The following SNTG1 variants were observed in gnomAD, a reference collection of about 807,000 sequenced individuals.
The protein encoded by SNTG1 is gamma-1-syntrophin.
Under a neutral mutation model 74.7 loss-of-function variants are expected in SNTG1, and 39 were observed. That is an observed-to-expected ratio of 0.52 (90% CI 0.40 to 0.68). The LOEUF is 0.68. SNTG1 is among the 30% of genes least tolerant of loss of function. The probability of loss-of-function intolerance (pLI) is 0.00; values close to 1 mark genes in which losing one functional copy is unlikely to be tolerated. For synonymous variants in SNTG1, 254 were observed against 217.1 expected, an observed-to-expected ratio of 1.17 and a Z score of -1.49; for missense variants, 685 against 609.5, an observed-to-expected ratio of 1.12 and a Z score of -1.30.
At chr8:50,721,971 C>A (rs1294384477) in intron 17 of SNTG1, among the ~76,000 whole-genome samples, 2 of 152,056 alleles carry the variant, frequency 1.3e-5, no homozygotes, top group Non-Finnish European at 2.9e-5. Context: ...GTTCAGCCAT[C>A]AAATGATTCA....
chr8:50,221,698 T>C (rs1173500356), intron 2 of SNTG1, among the ~76,000 whole-genome samples: 2 of 152,164 alleles, frequency 1.3e-5, no homozygotes, highest in East Asian at 3.9e-4. Flanking sequence ...CACATAATAG[T>C]TGCATTTATT....
chr8:50,225,366 G>A (rs760450017), intron 2 of SNTG1, among the ~76,000 whole-genome samples: 16 of 152,050 alleles, frequency 1.1e-4, no homozygotes, highest in African/African-American at 3.4e-4. Flanking sequence ...CACTTATTTC[G>A]GTTGGTTCCA....
chr8:50,345,731 T>G (rs1353045889), intron 2 of SNTG1, among the ~76,000 whole-genome samples: 1 of 152,248 alleles, frequency 6.6e-6, no homozygotes, highest in East Asian at 1.9e-4. Context: ...ACCAGTTTTC[T>G]TTTTAAAATT....
intron 17 of SNTG1, among the ~76,000 whole-genome samples, chr8:50,722,245 G>A (rs549392999): frequency 1.8e-4 from 27 of 151,302 alleles, no homozygotes. Flanking sequence ...TGCGATCTCA[G>A]CTCACTGCAA....
At chr8:50,733,018 G>A (rs954571711) in intron 17 of SNTG1, among the ~76,000 whole-genome samples, 12 of 151,848 alleles carry the variant, frequency 7.9e-5, no homozygotes, top group Non-Finnish European at 1.8e-4. Flanking sequence ...GAGATTCAAG[G>A]TATGGATCCT....
At chr8:50,161,867 T>G in intron 1 of SNTG1, among the ~76,000 whole-genome samples, 1 of 152,116 alleles carries the variant, frequency 6.6e-6, no homozygotes, top group Non-Finnish European at 1.5e-5. Flanking sequence ...ATAATTGTCT[T>G]TAAAAAAACA....
At chr8:50,303,313 A>G (rs62515923) in intron 2 of SNTG1, among the ~76,000 whole-genome samples, 3,915 of 152,168 alleles carry the variant, frequency 0.026, 76 homozygotes, top group Non-Finnish European at 0.036. Flanking sequence ...GGTGTTTTTA[A>G]ATTATGATTT....
intron 17 of SNTG1, among the ~76,000 whole-genome samples, chr8:50,716,411 T>A (rs980435034): frequency 3.9e-5 from 6 of 151,988 alleles, no homozygotes; most frequent in African/African-American, 1.4e-4. Flanking sequence ...ATATATATAT[T>A]TTTTCTTTCC....
rs139663627 is a variant in SNTG1, at chr8:50,555,174, G to A, written c.810+1995G>A. Among the ~76,000 whole-genome samples the A allele has an allele frequency of 3.7e-3, 566 of 152,210 alleles. 3 individuals are homozygous for A. The highest frequency in any genetic ancestry group is 0.01 in the African/African-American group (428 of 41,556). On this transcript the variant is annotated intron_variant, in intron 12 of 18. Coordinates refer to ENST00000642720, the MANE Select transcript of SNTG1 (RefSeq NM_018967.5). The stretch of plus-strand genomic sequence containing the variant: ...TTCATCCTTGTAATAAGTGCTCACC[G>A]TCATATGATTCCCCTATACTACTGT...
chr8:50,494,985 G>C (rs1426514047), intron 8 of SNTG1, among the ~76,000 whole-genome samples: 1 of 151,982 alleles, frequency 6.6e-6, no homozygotes, highest in Non-Finnish European at 1.5e-5. Flanking sequence ...TTAGAGCTGA[G>C]AGCTGAAACT....
intron 15 of SNTG1, among the ~76,000 whole-genome samples, chr8:50,681,482 G>A (rs531190527): frequency 1.3e-5 from 2 of 152,096 alleles, no homozygotes; most frequent in South Asian, 4.1e-4. Flanking sequence ...ATTTTATATA[G>A]TTTAAAACTA....
chr8:49,940,164 G>A (rs1344521332), intron 1 of SNTG1, among the ~76,000 whole-genome samples: 1 of 152,092 alleles, frequency 6.6e-6, no homozygotes, highest in Non-Finnish European at 1.5e-5. Flanking sequence ...TGGCAGGATG[G>A]CACAAACCAA....
intron 8 of SNTG1, among the ~76,000 whole-genome samples, chr8:50,493,896 A>T (rs905256837): frequency 2.0e-5 from 3 of 151,820 alleles, no homozygotes; most frequent in Non-Finnish European, 4.4e-5. Flanking sequence ...TTATTTTTCA[A>T]CAAATTTGAT....
chr8:50,083,506 A>G (rs751153150), intron 1 of SNTG1, among the ~76,000 whole-genome samples: 4 of 152,252 alleles, frequency 2.6e-5, no homozygotes, highest in African/African-American at 4.8e-5. Flanking sequence ...CTAGTAAAAC[A>G]GAAAGCAACT....
intron 2 of SNTG1, among the ~76,000 whole-genome samples, chr8:50,217,688 A>G (rs576517272): frequency 8.5e-5 from 13 of 152,324 alleles, no homozygotes; most frequent in African/African-American, 2.9e-4. Flanking sequence ...TTTCTCATTT[A>G]GCAGAATATA....
chr8:50,366,017 A>C (rs1272771323), intron 2 of SNTG1, among the ~76,000 whole-genome samples: 1 of 152,162 alleles, frequency 6.6e-6, no homozygotes, highest in East Asian at 1.9e-4. Context: ...ATTAATTGGC[A>C]TGCCTATTAT....
chr8:50,705,895 A>G (rs2095441884), intron 16 of SNTG1, among the ~76,000 whole-genome samples: 1 of 152,252 alleles, frequency 6.6e-6, no homozygotes, highest in Non-Finnish European at 1.5e-5. Flanking sequence ...CGCTTGCCAC[A>G]TGCAAATAGA....
At chr8:50,454,337 A>G (rs1467225989) in intron 8 of SNTG1, among the ~76,000 whole-genome samples, 1 of 151,778 alleles carries the variant, frequency 6.6e-6, no homozygotes. Flanking sequence ...TCTACTAAAA[A>G]TACAAAAACA....
intron 1 of SNTG1, among the ~76,000 whole-genome samples, chr8:50,097,178 G>T (rs2131202514): frequency 6.6e-6 from 1 of 152,022 alleles, no homozygotes; most frequent in East Asian, 1.9e-4. Context: ...CGTCGTGTTG[G>T]CCAGGATGGT....
Sources: allele counts gnomAD v4.1 joint callset (sites outside exome capture counted in the v4.1 genomes callset), GRCh38; gene constraint gnomAD v4.1.1; transcripts MANE v1.5; gene names NCBI Gene and HGNC (gene_info 2026-07-23, HGNC 2026-07-21).